Variants in AFF1 observed in about 807,000 individuals in gnomAD.
AFF1 encodes the protein ALF transcription elongation factor 1.
AFF1 carries 48 observed loss-of-function variants against 121.7 expected under a neutral mutation model. The ratio of observed to expected loss-of-function variants is 0.39; its 90% CI spans 0.31 to 0.50. AFF1 has a LOEUF of 0.50. Ranked by LOEUF, AFF1 falls within the 20% of genes least tolerant of loss-of-function variation. The pLI, the probability that AFF1 is intolerant of heterozygous loss-of-function variation, is 0.76. For missense variants in AFF1, 1,523 were observed against 1,511.7 expected (o/e 1.01, Z -0.12); for synonymous variants, 613 against 563.0 (o/e 1.09, Z -1.26).
In AFF1 at chr4:86,958,395, A is replaced by G. The variant is rs1054887303; in HGVS notation, c.38+9824A>G. The stretch of plus-strand genomic sequence containing the variant: ...CGTGAGTCACCGTGCCCGGCCCCAA[A>G]CTTTCTAGATTGTTTTAAAATGTCT... On this transcript the variant is annotated intron_variant, in intron 2 of 20. Transcript: ENST00000395146. Among the ~76,000 whole-genome samples, 67 of 151,624 alleles carry G rather than the reference A, an allele frequency of 4.4e-4. 2 individuals are homozygous for G. Among genetic ancestry groups the G allele is most frequent in the Non-Finnish European group, 4.4e-5 (3 of 67,898 alleles).
intron 2 of AFF1, among the ~76,000 whole-genome samples, chr4:86,952,574 G>A (rs1017873158): frequency 2.6e-5 from 4 of 151,616 alleles, no homozygotes; most frequent in African/African-American, 9.7e-5. Flanking sequence ...TGCATGTTCT[G>A]CACATGTATG....
intron 8 of AFF1, among the ~76,000 whole-genome samples, chr4:87,104,914 G>A (rs116495021): frequency 0.02 from 2,995 of 151,722 alleles, 110 homozygotes; most frequent in African/African-American, 0.069. Context: ...AACATAATGT[G>A]TAGACAATCG....
At chr4:87,085,693 T>C (rs1723654193) in intron 5 of AFF1, among the ~76,000 whole-genome samples, 1 of 152,076 alleles carries the variant, frequency 6.6e-6, no homozygotes, top group African/African-American at 2.4e-5. Context: ...TCACAGTCTT[T>C]TGTCCCATTT....
intron 1 of AFF1, among the ~76,000 whole-genome samples, chr4:86,940,146 C>G (rs1477667437): frequency 6.6e-6 from 1 of 152,120 alleles, no homozygotes; most frequent in African/African-American, 2.4e-5. Context: ...AAAGTGAGAC[C>G]CCTTCTTTAA....
At chr4:86,982,688 T>A (rs572751086) in intron 2 of AFF1, among the ~76,000 whole-genome samples, 1 of 150,790 alleles carries the variant, frequency 6.6e-6, no homozygotes, top group African/African-American at 2.4e-5. Flanking sequence ...CTACTAAAAA[T>A]ACAAAAAAAA....
intron 2 of AFF1, among the ~76,000 whole-genome samples, chr4:87,033,006 T>G (rs1729214658): frequency 6.6e-6 from 1 of 152,048 alleles, no homozygotes; most frequent in Non-Finnish European, 1.5e-5. Flanking sequence ...AAAAATTAGC[T>G]GGGCATGATG....
In AFF1 at chr4:87,094,904, C is replaced by CT. The variant is rs1724674159; in HGVS notation, c.1229-10dup. The CT allele has an allele frequency of 3.1e-6, 5 of 1,612,742 alleles. No homozygotes were observed. The East Asian group carries it at 1.1e-4, about 36-fold the overall frequency. On this transcript the variant is annotated splice_polypyrimidine_tract_variant and intron_variant, in intron 7 of 20. Transcript: ENST00000395146. ...GTCATTGTGCTGCTTTGATGTTTCT[C>CT]TCCCCCACAGAACAATATGATACAT... is the stretch of plus-strand genomic sequence containing the variant.
At position 87,134,462 on chromosome 4, in the gene AFF1, A is replaced by G. The variant is rs751222453; in HGVS notation, c.3312-9A>G. On this transcript the variant is annotated splice_polypyrimidine_tract_variant and intron_variant, in intron 19 of 20. Transcript: ENST00000395146. ...ACTGATCAGTTATCTCTTCTCTTCC[A>G]CCTCCCAGAAGCACAGGCACACCAT... 1 of 1,579,204 alleles carries G rather than the reference A, an allele frequency of 6.3e-7. No homozygotes were observed. Among genetic ancestry groups the G allele is most frequent in the Non-Finnish European group, 8.6e-7 (1 of 1,164,156 alleles).
chr4:87,086,985 G>A (rs1412017420), intron 5 of AFF1, among the ~76,000 whole-genome samples: 1 of 152,124 alleles, frequency 6.6e-6, no homozygotes. Context: ...GAAGATAGCA[G>A]ACATACACTG....
In AFF1 at chr4:86,948,529, A is replaced by C. The variant is rs994350264; in HGVS notation, c.-5A>C. The C allele has an allele frequency of 9.8e-6, 15 of 1,536,800 alleles. No homozygotes were observed. Among genetic ancestry groups the C allele is most frequent in the African/African-American group, 1.4e-5 (1 of 73,056 alleles). On this transcript the variant is annotated 5_prime_UTR_variant, in exon 2 of 21. Coordinates refer to ENST00000395146, the MANE Select transcript of AFF1 (RefSeq NM_001166693.3). ...AGACTAGCCACTTTGCATTGACTGG[A>C]AACAATGGCATTTACAGAAAGAGTC... is the stretch of plus-strand genomic sequence containing the variant.
chr4:87,116,385 T>G (rs1018419376), intron 12 of AFF1, among the ~76,000 whole-genome samples: 1 of 152,148 alleles, frequency 6.6e-6, no homozygotes, highest in South Asian at 2.1e-4. Context: ...GATGAAAGAT[T>G]AGTGAGTTTT....
intron 15 of AFF1, 28 bp from the exon 16 acceptor site, chr4:87,127,615 C>CCTGT (rs1560658228): frequency 6.2e-7 from 1 of 1,613,596 alleles, no homozygotes; most frequent in African/African-American, 1.3e-5. Context: ...GCTCATATGA[C>CCTGT]CTGTCCCTGG....
chr4:87,068,852 A>G (rs1249095495), intron 4 of AFF1, among the ~76,000 whole-genome samples: 1 of 152,136 alleles, frequency 6.6e-6, no homozygotes, highest in African/African-American at 2.4e-5. Flanking sequence ...AGTGGCACCG[A>G]TTAGGGCTGG....
chr4:86,965,666 A>T (rs919413689), intron 2 of AFF1, among the ~76,000 whole-genome samples: 6 of 152,196 alleles, frequency 3.9e-5, no homozygotes, highest in African/African-American at 1.4e-4. Context: ...TGACTCCTTA[A>T]GAGTTACTTG....
intron 2 of AFF1, chr4:86,949,852 G>A: frequency 6.2e-7 from 1 of 1,614,080 alleles, no homozygotes; most frequent in South Asian, 1.1e-5. Flanking sequence ...CGTAGGTGTA[G>A]TTGGGGCAGG....
rs1199628066 is a variant in AFF1 at position 86,964,276 on chromosome 4, A to G, written c.38+15705A>G. Reference sequence around the variant, plus strand: ...GTAGCTGGGATTGCAGGTGCGCACCACCACATCCAGCTAATTTTTTTTATT... The same window carrying G: ...GTAGCTGGGATTGCAGGTGCGCACCGCCACATCCAGCTAATTTTTTTTATT... On this transcript the variant is annotated intron_variant, in intron 2 of 20. Coordinates refer to ENST00000395146, the MANE Select transcript of AFF1 (RefSeq NM_001166693.3). 3.3e-5 allele frequency among the ~76,000 whole-genome samples: 5 copies of G among 149,738 alleles called. No homozygotes were observed. The East Asian group carries it at 8.0e-4, about 24-fold the overall frequency.
intron 2 of AFF1, among the ~76,000 whole-genome samples, chr4:86,995,955 C>G (rs1398760598): frequency 1.3e-5 from 2 of 151,098 alleles, no homozygotes; most frequent in African/African-American, 2.4e-5. Context: ...GCGTCTCTGC[C>G]CGGCCGCCCC....
intron 2 of AFF1, among the ~76,000 whole-genome samples, chr4:87,000,810 GA>G (rs1280449608): frequency 2.0e-5 from 3 of 151,944 alleles, no homozygotes; most frequent in Admixed American, 1.3e-4. Context: ...ATCAGGTAAA[GA>G]AAAAAACATT....
intron 1 of AFF1, among the ~76,000 whole-genome samples, chr4:86,940,640 T>C (rs1578810524): frequency 6.6e-6 from 1 of 152,094 alleles, no homozygotes; most frequent in Non-Finnish European, 1.5e-5. Context: ...CCTCAGATGA[T>C]CCACCCGCCT....
Sources: gnomAD v4.1 joint callset for allele counts (sites outside exome capture counted in the v4.1 genomes callset) on GRCh38, gnomAD v4.1.1 for gene constraint, MANE v1.5 for transcripts, NCBI Gene and HGNC (gene_info 2026-07-23, HGNC 2026-07-21) for gene names.